Variants in FUBP1 observed in about 807,000 individuals in gnomAD.
FUBP1 encodes far upstream element-binding protein 1.
In FUBP1, 16 loss-of-function variants were observed where a neutral mutation model predicts 94.9. The observed-to-expected ratio is 0.17, with a 90% confidence interval of 0.11 to 0.26. The LOEUF (loss-of-function observed/expected upper bound fraction) is 0.26. Ranked by LOEUF, FUBP1 falls within the 10% of genes least tolerant of loss-of-function variation. The pLI, the probability that FUBP1 is intolerant of heterozygous loss-of-function variation, is 1.00. For missense variants in FUBP1, 583 were observed against 808.6 expected (o/e 0.72, Z 3.38); for synonymous variants, 279 against 254.9 (o/e 1.09, Z -0.90).
At chr1:77,951,140 C>T (rs954478500) in intron 18 of FUBP1, among the ~76,000 whole-genome samples, 5 of 152,152 alleles carry the variant, frequency 3.3e-5, no homozygotes, top group South Asian at 4.1e-4. Flanking sequence ...GAAACCAAAC[C>T]TGATCAAGGT....
At chr1:77,963,792 T>C (rs1655974789) in intron 12 of FUBP1, 77 bp from the exon 13 acceptor site, 1 of 1,234,614 alleles carries the variant, frequency 8.1e-7, no homozygotes, top group Non-Finnish European at 1.1e-6. Context: ...TTAAGTTTAT[T>C]TTTCCCAGCT....
intron 18 of FUBP1, among the ~76,000 whole-genome samples, chr1:77,951,241 T>G (rs1653405555): frequency 6.6e-6 from 1 of 152,212 alleles, no homozygotes; most frequent in Admixed American, 6.5e-5. Flanking sequence ...GAAACAGGCA[T>G]ATGCATCAAG....
At chr1:77,975,504 G>C (rs1658430836) in intron 1 of FUBP1, among the ~76,000 whole-genome samples, 1 of 152,112 alleles carries the variant, frequency 6.6e-6, no homozygotes, top group Non-Finnish European at 1.5e-5. Flanking sequence ...TCAGAGAAGA[G>C]ACTGCAAGAA....
chr1:77,960,648 A>G (rs1655285089), intron 14 of FUBP1, 153 bp from the exon 15 acceptor site: 2 of 560,198 alleles, frequency 3.6e-6, no homozygotes, highest in South Asian at 5.4e-5. Context: ...TGCAAAAACT[A>G]TTTCATCTGC....
intron 16 of FUBP1, among the ~76,000 whole-genome samples, chr1:77,959,503 C>T (rs1241899522): frequency 6.6e-6 from 1 of 152,054 alleles, no homozygotes; most frequent in Non-Finnish European, 1.5e-5. Context: ...ACTTAACACT[C>T]TGTTGGACTG....
intron 19 of FUBP1, 116 bp downstream of exon 19, chr1:77,949,039 G>A: frequency 1.9e-6 from 2 of 1,040,942 alleles, no homozygotes; most frequent in Non-Finnish European, 2.9e-6. Flanking sequence ...CATTTAAATA[G>A]TTATTATACT....
chr1:77,973,741 T>C (rs1285856917), intron 1 of FUBP1, among the ~76,000 whole-genome samples: 2 of 152,194 alleles, frequency 1.3e-5, no homozygotes, highest in Non-Finnish European at 2.9e-5. Context: ...AGTCTCTTTA[T>C]CTTCAGTTTT....
At chr1:77,965,328 C>A in intron 7 of FUBP1, 97 bp from the exon 8 acceptor site, 1 of 702,236 alleles carries the variant, frequency 1.4e-6, no homozygotes, top group South Asian at 2.7e-5. Flanking sequence ...CTCCTCCTAT[C>A]CCAGTTCAGG....
intron 18 of FUBP1, 146 bp downstream of exon 18, chr1:77,955,109 A>C: frequency 5.3e-6 from 3 of 561,242 alleles, no homozygotes; most frequent in Non-Finnish European, 9.5e-6. Context: ...TCCTTGCCAT[A>C]TAACCACAAA....
chr1:77,952,474 G>C (rs1653662388), intron 18 of FUBP1, among the ~76,000 whole-genome samples: 2 of 151,472 alleles, frequency 1.3e-5, no homozygotes, highest in African/African-American at 2.4e-5. Flanking sequence ...CAAAAGCTGT[G>C]AAAGCCTGCC....
intron 16 of FUBP1, 115 bp from the exon 17 acceptor site, chr1:77,956,815 T>C (rs1245347123): frequency 3.4e-6 from 2 of 583,682 alleles, no homozygotes; most frequent in Non-Finnish European, 5.7e-6. Flanking sequence ...CAAAATTAAC[T>C]AGAACATTAA....
chr1:77,948,948 G>C (rs1302814075), intron 19 of FUBP1, 174 bp from the exon 20 acceptor site: 1 of 1,033,842 alleles, frequency 9.7e-7, no homozygotes, highest in African/African-American at 1.6e-5. Flanking sequence ...AAAATCAAAG[G>C]CATTGCAGAA....
Position 77,966,944 on chromosome 1 carries a change from CTCT to C in FUBP1, c.352_354del (p.Arg118del), listed in dbSNP as rs778033101. On this transcript the variant is annotated inframe_deletion, in exon 6 of 20. Coordinates refer to ENST00000370768, the MANE Select transcript of FUBP1 (RefSeq NM_003902.5). ...TGTATGCGTGAGATCTGTTCACCTC[CTCT>C]GCCAATTACTAGTTAGAAAAAAAAA... The C allele has an allele frequency of 6.2e-7, 1 of 1,602,472 alleles. No homozygotes were observed. Among genetic ancestry groups the C allele is most frequent in the Non-Finnish European group, 8.5e-7 (1 of 1,170,488 alleles).
At chr1:77,959,867 A>C (rs546188007) in intron 16 of FUBP1, among the ~76,000 whole-genome samples, 1 of 152,368 alleles carries the variant, frequency 6.6e-6, no homozygotes, top group East Asian at 1.9e-4. Context: ...AGATAATGTC[A>C]CAATGAACAT....
At chr1:77,967,397 C>A (rs1380419395) in intron 4 of FUBP1, among the ~76,000 whole-genome samples, 2 of 152,130 alleles carry the variant, frequency 1.3e-5, no homozygotes, top group Non-Finnish European at 2.9e-5. Context: ...CTCTAATTCA[C>A]CCCTGTTCTT....
rs1558014228 is a variant in FUBP1 at position 77,948,606 on chromosome 1, T to C, written c.*160A>G. The C allele has an allele frequency of 3.0e-6, 4 of 1,330,840 alleles. No homozygotes were observed. Among genetic ancestry groups the C allele is most frequent in the Non-Finnish European group, 3.9e-6 (4 of 1,023,512 alleles). 82.4% of individuals were successfully genotyped at this position (1,330,840 alleles called of 1,614,324 possible). ...AATATTAACCTCCTATCAGTAGTGA[T>C]AGATATTTTGTACATTTTCAAAAAA... is the stretch of plus-strand genomic sequence containing the variant. On this transcript the variant is annotated 3_prime_UTR_variant, in exon 20 of 20. Transcript: ENST00000370768.
chr1:77,963,284 G>A lies in FUBP1; in HGVS notation c.1183+290C>T, dbSNP rs1412812304. Among the ~76,000 whole-genome samples, 3 of 151,962 alleles carry A rather than the reference G, an allele frequency of 2.0e-5. No homozygotes were observed. The South Asian group carries it at 6.2e-4, about 32-fold the overall frequency. On this transcript the variant is annotated intron_variant, in intron 13 of 19. Coordinates refer to ENST00000370768, the MANE Select transcript of FUBP1 (RefSeq NM_003902.5). ...AATATGAGTCGGGAAAAACCAAAATGCACAAACAAAAACACTCAAACCACT... is the reference window on the plus strand; with the variant it reads ...AATATGAGTCGGGAAAAACCAAAATACACAAACAAAAACACTCAAACCACT...
At chr1:77,955,394 C>T (rs1257182654) in intron 17 of FUBP1, 65 bp from the exon 18 acceptor site, 1 of 921,104 alleles carries the variant, frequency 1.1e-6, no homozygotes, top group African/African-American at 1.6e-5. Context: ...TTGGCCGTTT[C>T]CTTGGGTGCA....
intron 18 of FUBP1, among the ~76,000 whole-genome samples, chr1:77,953,861 A>G (rs994780624): frequency 3.3e-5 from 5 of 152,222 alleles, no homozygotes; most frequent in Non-Finnish European, 7.4e-5. Flanking sequence ...AAAATAAAGC[A>G]CAGAAGCCAA....
Sources: gnomAD v4.1 joint callset for allele counts (sites outside exome capture counted in the v4.1 genomes callset) on GRCh38, gnomAD v4.1.1 for gene constraint, MANE v1.5 for transcripts, NCBI Gene and HGNC (gene_info 2026-07-23, HGNC 2026-07-21) for gene names.